The following YTHDF1 variants were observed in gnomAD, a reference collection of about 807,000 sequenced individuals.
YTHDF1 encodes YTH domain-containing family protein 1.
Under a neutral mutation model 49.1 loss-of-function variants are expected in YTHDF1, and 16 were observed. That is an observed-to-expected ratio of 0.33 (90% CI 0.22 to 0.49). The LOEUF (loss-of-function observed/expected upper bound fraction) is 0.49. YTHDF1 is among the 20% of genes least tolerant of loss of function. The pLI, the probability that YTHDF1 is intolerant of heterozygous loss-of-function variation, is 0.99. For synonymous variants in YTHDF1, 313 were observed against 290.1 expected, an observed-to-expected ratio of 1.08 and a Z score of -0.80; for missense variants, 621 against 744.3, an observed-to-expected ratio of 0.83 and a Z score of 1.93.
chr20:63,201,657 T>C (rs1485428109), intron 4 of YTHDF1, among the ~76,000 whole-genome samples: 1 of 152,220 alleles, frequency 6.6e-6, no homozygotes, highest in Admixed American at 6.5e-5. Flanking sequence ...TTATAAAATG[T>C]CTGGATTCCA....
rs201756819 is a variant in YTHDF1, at chr20:63,203,012, G to C, written c.928C>G (p.Pro310Ala). Residue 310 changes from proline (P) to alanine (A), a missense_variant, in exon 4 of 5, where the codon CCA becomes GCA. By Grantham distance (27) the Pro-to-Ala change is conservative. This residue lies in a region of YTHDF1 where 470 missense variants were observed against 495.8 expected (regional missense o/e 0.95). Transcript: ENST00000370339. This position sits in a 1 kb window ranked among gnomAD's most constrained non-coding sequence, Gnocchi z 4.4. ...TGATACTGCGGTTGAGCCAAAGCTG[G>C]GGGCTGTGCTGGGAGAGGCTGAGCC... is the stretch of plus-strand genomic sequence containing the variant. ...QVAQPLPAQPPALAQPQYQSP... is the reference protein window; with the variant it reads ...QVAQPLPAQPAALAQPQYQSP... The C allele has an allele frequency of 6.5e-5, 105 of 1,611,728 alleles. 1 individual carries two copies. In the East Asian group the frequency reaches 2.3e-3, roughly 35 times the overall value.
chr20:63,209,430 C>G (rs1466221736), intron 3 of YTHDF1, among the ~76,000 whole-genome samples: 1 of 152,112 alleles, frequency 6.6e-6, no homozygotes, highest in Non-Finnish European at 1.5e-5. Context: ...ATTCCATAAG[C>G]TTTTTTCTAT....
chr20:63,208,960 A>C (rs1399346595), intron 3 of YTHDF1, among the ~76,000 whole-genome samples: 1 of 152,230 alleles, frequency 6.6e-6, no homozygotes, highest in Non-Finnish European at 1.5e-5. Context: ...GTGAGCATGG[A>C]GGCAGTATCC....
rs369349461 is a variant in YTHDF1 at position 63,199,188 on chromosome 20, CACA to C, written c.1654-2457_1654-2455del. Among the ~76,000 whole-genome samples the C allele has an allele frequency of 1.6e-4, 24 of 152,350 alleles. No individual in the cohort carries two copies. In the East Asian group the frequency reaches 4.3e-3, roughly 27 times the overall value. On this transcript the variant is annotated intron_variant, in intron 4 of 4. Coordinates refer to ENST00000370339, the MANE Select transcript of YTHDF1 (RefSeq NM_017798.4). ...CCCGGGGGCTCTACCAGCACAGGCG[CACA>C]ACCCTCTCCTCGGCACACTACTTTG...
chr20:63,197,419 T>C (rs1207915939), intron 4 of YTHDF1, among the ~76,000 whole-genome samples: 1 of 152,208 alleles, frequency 6.6e-6, no homozygotes, highest in Non-Finnish European at 1.5e-5. Context: ...AGAATCATCT[T>C]TTCCAGAGTG....
rs1378646888 is a variant in YTHDF1, at chr20:63,214,027, T to G, written c.53-84A>C. The stretch of plus-strand genomic sequence containing the variant: ...GGAAGGCAAAGTTAGCAAAGTCTAT[T>G]TCCATCTATTTCTAGCAGAAATTAT... On this transcript the variant is annotated intron_variant, in intron 2 of 4. Transcript: ENST00000370339. The G allele has an allele frequency of 2.0e-6, 3 of 1,491,354 alleles. No individual in the cohort carries two copies. In the African/African-American group the frequency reaches 4.4e-5, roughly 22 times the overall value. 92.4% of individuals were successfully genotyped at this position (1,491,354 alleles called of 1,614,324 possible).
At chr20:63,197,042 C>T (rs1232852186) in intron 4 of YTHDF1, among the ~76,000 whole-genome samples, 4 of 152,216 alleles carry the variant, frequency 2.6e-5, no homozygotes, top group African/African-American at 9.6e-5. Flanking sequence ...CCCTCATGTG[C>T]CACTATCATT....
At position 63,215,991 on chromosome 20, in the gene YTHDF1, G is replaced by T; in HGVS notation, c.-99C>A. ...CCTAGCTCGCGCGGCCCCGGGCCCCGCCGCCAATTCCCCGGGCGCCGGCCG... is the reference window on the plus strand; with the variant it reads ...CCTAGCTCGCGCGGCCCCGGGCCCCTCCGCCAATTCCCCGGGCGCCGGCCG... On this transcript the variant is annotated 5_prime_UTR_variant, in exon 1 of 5. Transcript: ENST00000370339. 1.8e-6 allele frequency: 2 copies of T among 1,102,036 alleles called. No homozygotes were observed. The highest frequency in any genetic ancestry group is 2.2e-6 in the Non-Finnish European group (2 of 897,938). The allele number at this position is 1,102,036 out of a possible 1,614,324, so 68.3% of individuals were successfully genotyped here.
intron 3 of YTHDF1, among the ~76,000 whole-genome samples, chr20:63,209,731 A>AAAAT (rs1166826180): frequency 2.2e-4 from 33 of 152,296 alleles, no homozygotes; most frequent in African/African-American, 7.9e-4. Flanking sequence ...AAACAAAAAA[A>AAAAT]CCAAAAACCC....
intron 4 of YTHDF1, among the ~76,000 whole-genome samples, chr20:63,200,081 C>T (rs1397234646): frequency 1.3e-5 from 2 of 151,830 alleles, no homozygotes; most frequent in African/African-American, 2.4e-5. Flanking sequence ...CTATTTGAGG[C>T]GGGGCACGGT....
At chr20:63,197,070 T>A (rs1839921499) in intron 4 of YTHDF1, among the ~76,000 whole-genome samples, 1 of 152,204 alleles carries the variant, frequency 6.6e-6, no homozygotes, top group Non-Finnish European at 1.5e-5. Flanking sequence ...GAAAGACACT[T>A]AGCAATGTGA....
intron 3 of YTHDF1, among the ~76,000 whole-genome samples, chr20:63,208,419 G>T (rs915357430): frequency 2.6e-5 from 4 of 152,198 alleles, no homozygotes; most frequent in Admixed American, 2.0e-4. Context: ...GGAGCACAGA[G>T]AAAATGTTAG....
Position 63,202,488 on chromosome 20 carries a change from T to C in YTHDF1, c.1452A>G (p.Val484=). 6.2e-7 allele frequency: 1 copy of C among 1,614,250 alleles called. No individual in the cohort carries two copies. The highest frequency in any genetic ancestry group is 8.5e-7 in the Non-Finnish European group (1 of 1,180,034). ...TGATGTGCCGGAGCTGGTTATTGGG[T>C]ACATCCTTAACAAAAATCCACTGGA... ...FDVQWIFVKD[V]PNNQLRHIRL... The change falls in exon 4 of 5, where the codon GTA becomes GTG. Residue 484 remains valine (V), a synonymous_variant. Transcript: ENST00000370339.
At chr20:63,214,115 G>A in intron 2 of YTHDF1, 172 bp from the exon 3 acceptor site, 1 of 973,068 alleles carries the variant, frequency 1.0e-6, no homozygotes, top group Non-Finnish European at 1.2e-6. Flanking sequence ...AATTAGAAGG[G>A]GGACGGGAAA....
chr20:63,214,305 G>C (rs972571378), intron 2 of YTHDF1, among the ~76,000 whole-genome samples: 1 of 152,212 alleles, frequency 6.6e-6, no homozygotes, highest in Non-Finnish European at 1.5e-5. Flanking sequence ...AATGCAGAAT[G>C]TATGCCCAAA....
chr20:63,205,011 G>C (rs1260906437), intron 3 of YTHDF1, among the ~76,000 whole-genome samples: 4 of 152,020 alleles, frequency 2.6e-5, no homozygotes, highest in Non-Finnish European at 4.4e-5. Flanking sequence ...TGCTATTACA[G>C]AAAACAGAGC....
At chr20:63,209,489 G>A (rs1208312933) in intron 3 of YTHDF1, among the ~76,000 whole-genome samples, 1 of 151,928 alleles carries the variant, frequency 6.6e-6, no homozygotes, top group East Asian at 1.9e-4. Flanking sequence ...TGAAGACACG[G>A]CCAGGCACAG....
At chr20:63,204,690 G>A (rs140936504) in intron 3 of YTHDF1, among the ~76,000 whole-genome samples, 47 of 152,262 alleles carry the variant, frequency 3.1e-4, no homozygotes, top group African/African-American at 1.1e-3. Context: ...TTAAAGTGAC[G>A]GAACCATGAG....
chr20:63,197,026 G>C (rs1158776178), intron 4 of YTHDF1, among the ~76,000 whole-genome samples: 1 of 152,160 alleles, frequency 6.6e-6, no homozygotes, highest in Non-Finnish European at 1.5e-5. Flanking sequence ...TCCCACAGCT[G>C]TCTTTCCCTC....
Sources: gnomAD v4.1 joint callset for allele counts (sites outside exome capture counted in the v4.1 genomes callset) on GRCh38, gnomAD v4.1.1 for gene constraint, gnomAD v4.1.1 regional missense constraint, Gnocchi (gnomAD v3.1) non-coding constraint, MANE v1.5 for transcripts, NCBI Gene and HGNC (gene_info 2026-07-23, HGNC 2026-07-21) for gene names.